ADAMTS13: variants seen among roughly 807,000 people sequenced by gnomAD.
ADAMTS13 encodes ADAM metallopeptidase with thrombospondin type 1 motif 13.
Under a neutral mutation model 155.1 loss-of-function variants are expected in ADAMTS13, and 110 were observed. The observed-to-expected ratio is 0.71, with a 90% CI of 0.61 to 0.83. ADAMTS13 has a LOEUF of 0.83. ADAMTS13 is among the 40% of genes least tolerant of loss of function. ADAMTS13 has a pLI of 0.00. For synonymous variants in ADAMTS13, 758 were observed against 756.4 expected (o/e 1.00, Z -0.03); for missense variants, 1,707 against 1,891.7 (o/e 0.90, Z 1.81).
In ADAMTS13 at chr9:133,455,383, G is replaced by T; in HGVS notation, c.3348G>T (p.Leu1116Phe). 1 of 1,612,472 alleles carries T rather than the reference G, an allele frequency of 6.2e-7. No individual in the cohort carries two copies. Among genetic ancestry groups the T allele is most frequent in the Non-Finnish European group, 8.5e-7 (1 of 1,179,962 alleles). ...APVPADFCQH[L>F]PKPVTVRGCW... ...TGCCAGCTGATTTCTGCCAGCACTT[G>T]CCCAAGCCGGTGACTGTGCGTGGCT... The change falls in exon 25 of 29, where the codon TTG (leucine) becomes TTT (phenylalanine). Residue 1116 changes from leucine (L) to phenylalanine (F), a missense_variant. By Grantham distance (22) the Leu-to-Phe change is conservative. Around this residue, in one of 3 missense-constraint regions of ADAMTS13, gnomAD observed 961 missense variants for 1,107.9 expected, o/e 0.87. Transcript: ENST00000355699.
intron 25 of ADAMTS13, 23 bp downstream of exon 25, chr9:133,455,458 C>A: frequency 6.2e-7 from 1 of 1,612,500 alleles, no homozygotes; most frequent in Middle Eastern, 1.7e-4. Flanking sequence ...TGGTGCCCCA[C>A]GAAGAAGCCG....
chr9:133,417,887 C>T (rs1554782101), upstream of ADAMTS13: 2 of 1,568,820 alleles, frequency 1.3e-6, no homozygotes, highest in East Asian at 2.3e-5. Flanking sequence ...ACCCGAGACC[C>T]CGGCCTCCCC....
upstream of ADAMTS13, among the ~76,000 whole-genome samples, chr9:133,420,288 C>T (rs993417219): frequency 4.6e-5 from 7 of 152,208 alleles, no homozygotes; most frequent in Non-Finnish European, 8.8e-5. Flanking sequence ...ATCCGCGTGC[C>T]TCGTGATCCA....
chr9:133,414,663 A>C, intron 1 of ADAMTS13: 1 of 1,613,428 alleles, frequency 6.2e-7, no homozygotes, highest in South Asian at 1.1e-5. Context: ...GCCCATACTT[A>C]CTCGGTGGGT....
chr9:133,417,478 C>G (rs1046569715), upstream of ADAMTS13: 1 of 846,316 alleles, frequency 1.2e-6, no homozygotes, highest in African/African-American at 1.7e-5. Flanking sequence ...CAACAGGCCA[C>G]CTTTCTTGTG....
intron 25 of ADAMTS13, 106 bp from the exon 26 acceptor site, chr9:133,455,963 G>T: frequency 6.7e-7 from 1 of 1,494,366 alleles, no homozygotes; most frequent in Non-Finnish European, 9.2e-7. Flanking sequence ...TGGAGGACAG[G>T]GTCCACCCCT....
chr9:133,432,317 G>A (rs1840829351), intron 8 of ADAMTS13, among the ~76,000 whole-genome samples: 1 of 152,200 alleles, frequency 6.6e-6, no homozygotes, highest in Admixed American at 6.5e-5. Flanking sequence ...TGAGCTTCAA[G>A]TCAGTGACAA....
At chr9:133,444,682 G>A (rs1841931850) in intron 19 of ADAMTS13, among the ~76,000 whole-genome samples, 181 bp from the exon 20 acceptor site, 1 of 152,212 alleles carries the variant, frequency 6.6e-6, no homozygotes, top group Non-Finnish European at 1.5e-5. Context: ...CCTGCTGGCT[G>A]ATGAATGGGG....
intron 1 of ADAMTS13, among the ~76,000 whole-genome samples, chr9:133,416,182 G>A (rs76478543): frequency 1.3e-5 from 2 of 152,062 alleles, no homozygotes; most frequent in Non-Finnish European, 2.9e-5. Flanking sequence ...GGTGTGTTGC[G>A]TGGTGAGAGA....
At chr9:133,417,608 C>G, upstream of ADAMTS13, 1 of 1,612,664 alleles carries the variant, frequency 6.2e-7, no homozygotes, top group Non-Finnish European at 8.5e-7. Context: ...CCCGGGCCCC[C>G]TCAAGCCTCA....
At chr9:133,433,090 C>G (rs1554787957) in intron 9 of ADAMTS13, among the ~76,000 whole-genome samples, 1 of 102,128 alleles carries the variant, frequency 9.8e-6, no homozygotes, top group African/African-American at 4.0e-5. Flanking sequence ...CTGGGGGGTT[C>G]TGTGTGTATG....
intron 18 of ADAMTS13, 95 bp from the exon 19 acceptor site, chr9:133,443,281 C>T: frequency 6.8e-7 from 1 of 1,470,154 alleles, no homozygotes; most frequent in Non-Finnish European, 9.2e-7. Flanking sequence ...CATTGCTTGT[C>T]CCAGACCGGG....
Position 133,429,995 on chromosome 9 carries a change from G to T in ADAMTS13, c.881G>T (p.Gly294Val), listed in dbSNP as rs1258896299. The T allele has an allele frequency of 4.5e-6, 7 of 1,561,484 alleles. No individual in the cohort carries two copies. The East Asian group carries it at 1.6e-4, about 37-fold the overall frequency. Residue 294 changes from glycine (G) to valine (V), a missense_variant, in exon 8 of 29, where the codon GGG becomes GTG. By Grantham distance (109) the Gly-to-Val change is moderately radical. Transcript: ENST00000355699. ...DPPRPQPGSA[G>V]HPPDAQPGLY... ...CCGCGGCCTCAACCCGGGTCCGCGG[G>T]GCACCCGCCGGATGCGCAGCCTGGC... is the stretch of plus-strand genomic sequence containing the variant.
In ADAMTS13 at chr9:133,433,628, TG is replaced by T. The variant is rs1554788189; in HGVS notation, c.1245-10del. On this transcript the variant is annotated splice_polypyrimidine_tract_variant and intron_variant, in intron 10 of 28. Transcript: ENST00000355699. ...CCTGCTCTCTCACCCTCCTGTCTGC[TG>T]GGCATTTTCAGACCTGCCTTTGGGG... 1.2e-6 allele frequency: 2 copies of T among 1,613,996 alleles called. No individual in the cohort carries two copies. Among genetic ancestry groups the T allele is most frequent in the East Asian group, 4.5e-5 (2 of 44,868 alleles).
rs36221467 is a variant in ADAMTS13, at chr9:133,443,920, C to G, written c.2420+359C>G. 5.4e-3 allele frequency among the ~76,000 whole-genome samples: 819 copies of G among 152,246 alleles called. 10 individuals carry two copies. The highest frequency in any genetic ancestry group is 0.019 in the African/African-American group (780 of 41,554). On this transcript the variant is annotated intron_variant, in intron 19 of 28. Transcript: ENST00000355699. ...CCGTGCCCACGTGGCTGCATCTCAT[C>G]CCCTCAGTGTCCAAGTTGACAGTGG...
rs782733359 is a variant in ADAMTS13 at position 133,436,856 on chromosome 9, A to G, written c.1336A>G (p.Met446Val). The stretch of plus-strand genomic sequence containing the variant: ...CTGCGAGAAGACCCAGCTGGAGTTC[A>G]TGTCGCAACAGTGCGCCAGGACCGA... ...QACEKTQLEF[M>V]SQQCARTDGQ... The change falls in exon 12 of 29, where the codon ATG (methionine) becomes GTG (valine). Residue 446 changes from methionine to valine, a missense_variant. Physicochemically the swap from Met to Val is conservative, Grantham distance 21. Transcript: ENST00000355699. The G allele has an allele frequency of 7.0e-6, 11 of 1,562,364 alleles. No individual in the cohort carries two copies. The highest frequency in any genetic ancestry group is 7.8e-6 in the Non-Finnish European group (9 of 1,156,496).
intron 8 of ADAMTS13, among the ~76,000 whole-genome samples, chr9:133,430,964 C>CT (rs34092321): frequency 0.26 from 39,298 of 151,368 alleles, 6,353 homozygotes; most frequent in South Asian, 0.4. Context: ...CCCGCCAAGT[C>CT]TTTTTTTTTA....
rs1457742883 is a variant in ADAMTS13, at chr9:133,445,454, C to A, written c.2611-245C>A. ...TGCTCCCATGTCCCACTCTTGGTCCCCAGCTCTCGGCCAGGCCCACAGTGA... is the reference window on the plus strand; with the variant it reads ...TGCTCCCATGTCCCACTCTTGGTCCACAGCTCTCGGCCAGGCCCACAGTGA... On this transcript the variant is annotated intron_variant, in intron 20 of 28. Transcript: ENST00000355699. This position sits in a 1 kb window ranked among gnomAD's most constrained non-coding sequence, Gnocchi z 5.0. 6.6e-6 allele frequency among the ~76,000 whole-genome samples: 1 copy of A among 152,182 alleles called. No homozygotes were observed.
chr9:133,430,885 C>T (rs1356947937), intron 8 of ADAMTS13, among the ~76,000 whole-genome samples: 2 of 152,068 alleles, frequency 1.3e-5, no homozygotes, highest in Non-Finnish European at 2.9e-5. Flanking sequence ...TGGTCTCGAT[C>T]TCCTGACCTC....
Sources: gnomAD v4.1 joint callset for allele counts (sites outside exome capture counted in the v4.1 genomes callset) on GRCh38, gnomAD v4.1.1 for gene constraint, gnomAD v4.1.1 regional missense constraint, Gnocchi (gnomAD v3.1) non-coding constraint, MANE v1.5 for transcripts, NCBI Gene and HGNC (gene_info 2026-07-23, HGNC 2026-07-21) for gene names.